The following RADIL variants were observed in gnomAD, a reference collection of about 807,000 sequenced individuals.
RADIL encodes the protein Rap associating with DIL domain.
Under a neutral mutation model 97.6 loss-of-function variants are expected in RADIL, and 99 were observed. That is an observed-to-expected ratio of 1.01 (90% CI 0.86 to 1.20). The LOEUF is 1.20. Among genes scored for constraint, RADIL ranks in the 50% most tolerant of loss-of-function variants. RADIL has a pLI of 0.00. For synonymous variants in RADIL, 803 were observed against 691.8 expected, an observed-to-expected ratio of 1.16 and a Z score of -2.52; for missense variants, 1,765 against 1,498.9, an observed-to-expected ratio of 1.18 and a Z score of -2.93.
chr7:4,873,509 T>A lies in RADIL; in HGVS notation c.535+4096A>T, dbSNP rs964758716. Among the ~76,000 whole-genome samples the A allele has an allele frequency of 6.6e-6, 1 of 152,192 alleles. No individual in the cohort carries two copies. Among genetic ancestry groups the A allele is most frequent in the East Asian group, 1.9e-4 (1 of 5,182 alleles). On this transcript the variant is annotated intron_variant, in intron 2 of 14. Coordinates refer to ENST00000399583, the MANE Select transcript of RADIL (RefSeq NM_018059.5). The surrounding 1 kb of genome is among the most constrained non-coding windows in gnomAD (Gnocchi z 4.3). ...GGGACAGCCCCACGCTGGGTCCTCT[T>A]GGGAGAGAATGCAGGAGCTGAAGGG...
At chr7:4,863,120 T>C (rs553916581) in intron 2 of RADIL, among the ~76,000 whole-genome samples, 1 of 152,262 alleles carries the variant, frequency 6.6e-6, no homozygotes, top group African/African-American at 2.4e-5. Flanking sequence ...GCCGTGTGTC[T>C]TTCTGGGTGA....
intron 2 of RADIL, chr7:4,860,252 T>C: frequency 6.2e-7 from 1 of 1,613,958 alleles, no homozygotes; most frequent in South Asian, 1.1e-5. Flanking sequence ...GCTGCTGTCG[T>C]TCAAATCTGT....
rs76912732 is a variant in RADIL at position 4,835,605 on chromosome 7, C to A, written c.784-366G>T. 0.012 allele frequency among the ~76,000 whole-genome samples: 1,766 copies of A among 152,206 alleles called. 76 individuals carry two copies. Among genetic ancestry groups the A allele is most frequent in the Admixed American group, 0.08 (1,225 of 15,300 alleles). On this transcript the variant is annotated intron_variant, in intron 3 of 14. Transcript: ENST00000399583. This position sits in a 1 kb window ranked among gnomAD's most constrained non-coding sequence, Gnocchi z 5.8. ...TCCCCAAAACTGTGTGGGAGCACTG[C>A]CGCCTGTGTGGGAGCACCACCCCCA...
intron 9 of RADIL, among the ~76,000 whole-genome samples, chr7:4,809,879 G>A (rs964198022): frequency 6.6e-6 from 1 of 152,002 alleles, no homozygotes; most frequent in African/African-American, 2.4e-5. Context: ...TAGAGACAGC[G>A]TCTTGCTCTG....
Position 4,800,253 on chromosome 7 carries a change from C to A in RADIL, c.2900G>T (p.Ser967Ile), listed in dbSNP as rs768177077. 36 of 1,567,520 alleles carry A rather than the reference C, an allele frequency of 2.3e-5. No individual in the cohort carries two copies. The South Asian group carries it at 4.3e-4, about 19-fold the overall frequency. Residue 967 changes from serine to isoleucine, a missense_variant, in exon 13 of 15, where the codon AGC becomes ATC. Physicochemically the swap from Ser to Ile is moderately radical, Grantham distance 142. Coordinates refer to ENST00000399583, the MANE Select transcript of RADIL (RefSeq NM_018059.5). Reference sequence around the variant, plus strand: ...GAAGACGTAGCAGAAGTCCTCGGTGCTGGAGCTGCGGCTGGACGGGGCTGG... The same window carrying A: ...GAAGACGTAGCAGAAGTCCTCGGTGATGGAGCTGCGGCTGGACGGGGCTGG... The part of the protein sequence containing the change: ...SPPAPSSRSS[S>I]TEDFCYVFTV...
rs1312161065 is a variant in RADIL, at chr7:4,877,826, C to G, written c.314G>C (p.Arg105Thr). 3 of 1,608,460 alleles carry G rather than the reference C, an allele frequency of 1.9e-6. No individual in the cohort carries two copies. Among genetic ancestry groups the G allele is most frequent in the African/African-American group, 1.3e-5 (1 of 74,946 alleles). Residue 105 changes from arginine to threonine, a missense_variant, in exon 2 of 15, where the codon AGG (arginine) becomes ACG (threonine). Arg to Thr is a moderately conservative substitution (Grantham distance 71). Coordinates refer to ENST00000399583, the MANE Select transcript of RADIL (RefSeq NM_018059.5). ...EALERYALDP[R>T]QAGQYVLCDV... is the part of the protein sequence containing the mutation. ...ACACAGCACGTACTGGCCGGCCTGC[C>G]TGGGGTCCAGGGCGTACCGCTCCAG...
In RADIL at chr7:4,836,357, C is replaced by G; in HGVS notation, c.783+1G>C. On this transcript the variant is annotated splice_donor_variant, in intron 3 of 14. Coordinates refer to ENST00000399583, the MANE Select transcript of RADIL (RefSeq NM_018059.5). LOFTEE classifies it high-confidence loss of function. Reference sequence around the variant, plus strand: ...AGTGGGTGTCAGGAGGGGAGGCTCACGTGCTGCTGGCTGTAGCCCTGCAGA... The same window carrying G: ...AGTGGGTGTCAGGAGGGGAGGCTCAGGTGCTGCTGGCTGTAGCCCTGCAGA... The G allele has an allele frequency of 1.3e-6, 2 of 1,570,290 alleles. No homozygotes were observed. The highest frequency in any genetic ancestry group is 1.3e-5 in the African/African-American group (1 of 74,144).
chr7:4,862,927 TA>T (rs1784053421), intron 2 of RADIL, among the ~76,000 whole-genome samples: 1 of 151,286 alleles, frequency 6.6e-6, no homozygotes. Flanking sequence ...AAAATAAAAA[TA>T]AAAAATAAAA....
chr7:4,861,781 T>A, intron 2 of RADIL: 3 of 1,474,342 alleles, frequency 2.0e-6, no homozygotes, highest in Non-Finnish European at 2.7e-6. Context: ...GCTGCGGTGG[T>A]CCCTGGGTTG....
At chr7:4,861,981 C>T (rs1784021289) in intron 2 of RADIL, 2 of 456,270 alleles carry the variant, frequency 4.4e-6, no homozygotes, top group Non-Finnish European at 7.7e-6. Flanking sequence ...CCTCCTTCCC[C>T]TCAGCCCCAA....
In RADIL at chr7:4,821,477, C is replaced by T. The variant is rs900322685; in HGVS notation, c.1615+917G>A. Among the ~76,000 whole-genome samples, 7 of 152,228 alleles carry T rather than the reference C, an allele frequency of 4.6e-5. No individual in the cohort carries two copies. Among genetic ancestry groups the T allele is most frequent in the East Asian group, 1.9e-4 (1 of 5,202 alleles). On this transcript the variant is annotated intron_variant, in intron 6 of 14. Transcript: ENST00000399583. This position sits in a 1 kb window ranked among gnomAD's most constrained non-coding sequence, Gnocchi z 5.2. ...TCCTACCCCGGCTTCCGGGCCCGGC[C>T]CCATGCCACCTTCCTCTCGAAGCCC...
chr7:4,817,400 G>A lies in RADIL; in HGVS notation c.1616-49C>T, dbSNP rs1362927786. The A allele has an allele frequency of 6.5e-7, 1 of 1,528,034 alleles. No individual in the cohort carries two copies. Among genetic ancestry groups the A allele is most frequent in the Non-Finnish European group, 8.9e-7 (1 of 1,120,096 alleles). The allele number at this position is 1,528,034 out of a possible 1,614,324, so 94.7% of individuals were successfully genotyped here. A position where few individuals can be genotyped will look rare whatever the true frequency, so the allele number is the denominator to read the frequency against. ...TGGTCACAACGGGCACAGCGCTCAGGAACGCAGCAACTCAGCCAGCCGCCA... is the reference window on the plus strand; with the variant it reads ...TGGTCACAACGGGCACAGCGCTCAGAAACGCAGCAACTCAGCCAGCCGCCA... On this transcript the variant is annotated intron_variant, in intron 6 of 14. Coordinates refer to ENST00000399583, the MANE Select transcript of RADIL (RefSeq NM_018059.5). This position sits in a 1 kb window ranked among gnomAD's most constrained non-coding sequence, Gnocchi z 8.3.
rs532517293 is a variant in RADIL, at chr7:4,834,927, C to A, written c.1096G>T (p.Ala366Ser). The change falls in exon 4 of 15, where the codon GCC becomes TCC. Residue 366 changes from alanine to serine, a missense_variant. Transcript: ENST00000399583. The surrounding 1 kb of genome is among the most constrained non-coding windows in gnomAD (Gnocchi z 6.0). ...KDPAQAQPLPARALARLRAVP... is the reference protein window; with the variant it reads ...KDPAQAQPLPSRALARLRAVP... ...GCCCGGAGGCGCGCCAAGGCCCGGG[C>A]GGGCAGGGGCTGGGCCTGCGCGGGG... 3.2e-6 allele frequency: 5 copies of A among 1,574,956 alleles called. No individual in the cohort carries two copies. Among genetic ancestry groups the A allele is most frequent in the East Asian group, 4.5e-5 (2 of 44,000 alleles).
chr7:4,833,376 C>A (rs1783202021), intron 4 of RADIL, among the ~76,000 whole-genome samples: 1 of 152,176 alleles, frequency 6.6e-6, no homozygotes, highest in Admixed American at 6.5e-5. Flanking sequence ...GTCACAGTGG[C>A]CACGATGTGG....
chr7:4,867,822 G>A lies in RADIL; in HGVS notation c.535+9783C>T, dbSNP rs1246073259. 1.3e-5 allele frequency among the ~76,000 whole-genome samples: 2 copies of A among 152,076 alleles called. No individual in the cohort carries two copies. Among genetic ancestry groups the A allele is most frequent in the Non-Finnish European group, 2.9e-5 (2 of 68,006 alleles). ...TAATACACTAGAGTGGGTTCCCAAG[G>A]ACAATGACAATGAAAAAAGAAAATG... is the stretch of plus-strand genomic sequence containing the variant. On this transcript the variant is annotated intron_variant, in intron 2 of 14. Coordinates refer to ENST00000399583, the MANE Select transcript of RADIL (RefSeq NM_018059.5). The surrounding 1 kb of genome is among the most constrained non-coding windows in gnomAD (Gnocchi z 4.1).
At chr7:4,833,539 G>C (rs1783206653) in intron 4 of RADIL, among the ~76,000 whole-genome samples, 1 of 152,186 alleles carries the variant, frequency 6.6e-6, no homozygotes, top group African/African-American at 2.4e-5. Flanking sequence ...GGTGCACAGA[G>C]ACGGCTCCCA....
At chr7:4,861,462 C>T (rs756743325) in intron 2 of RADIL, 9 of 1,614,092 alleles carry the variant, frequency 5.6e-6, no homozygotes, top group Middle Eastern at 1.6e-4. Flanking sequence ...ACGCACAAGG[C>T]GTCAATATCT....
chr7:4,834,078 A>G lies in RADIL; in HGVS notation c.1416+529T>C, dbSNP rs1783223628. ...GGGATGAGAGAGGCTGGCCTGGAGG[A>G]AAGTTCGTCAACGCACAAAAGGTGA... On this transcript the variant is annotated intron_variant, in intron 4 of 14. Coordinates refer to ENST00000399583, the MANE Select transcript of RADIL (RefSeq NM_018059.5). This position sits in a 1 kb window ranked among gnomAD's most constrained non-coding sequence, Gnocchi z 6.0. Among the ~76,000 whole-genome samples the G allele has an allele frequency of 1.3e-5, 2 of 152,128 alleles. No homozygotes were observed. The highest frequency in any genetic ancestry group is 4.8e-5 in the African/African-American group (2 of 41,418).
intron 2 of RADIL, chr7:4,861,637 T>C (rs760261801): frequency 8.1e-6 from 13 of 1,608,224 alleles, no homozygotes; most frequent in Non-Finnish European, 1.1e-5. Flanking sequence ...TGCGCTGCAG[T>C]TCCTCTTCCT....
Sources: gnomAD v4.1 joint callset for allele counts (sites outside exome capture counted in the v4.1 genomes callset) on GRCh38, gnomAD v4.1.1 for gene constraint, Gnocchi (gnomAD v3.1) non-coding constraint, MANE v1.5 for transcripts, NCBI Gene and HGNC (gene_info 2026-07-23, HGNC 2026-07-21) for gene names.